The following CDK14 variants were observed in gnomAD, a reference collection of about 807,000 sequenced individuals.
CDK14 encodes cyclin dependent kinase 14.
Under a neutral mutation model 60.7 loss-of-function variants are expected in CDK14, and 34 were observed. That is an observed-to-expected ratio of 0.56 (90% CI 0.43 to 0.75). The LOEUF is 0.75. Among genes scored for constraint, CDK14 ranks in the 30% least tolerant of loss-of-function variants. The probability of loss-of-function intolerance (pLI) is 0.00; values close to 1 mark genes in which losing one functional copy is unlikely to be tolerated. For synonymous variants in CDK14, 197 were observed against 203.7 expected (o/e 0.97, Z 0.28); for missense variants, 482 against 564.1 (o/e 0.85, Z 1.47).
At chr7:90,908,727 A>G (rs566486280) in intron 7 of CDK14, among the ~76,000 whole-genome samples, 4 of 152,212 alleles carry the variant, frequency 2.6e-5, no homozygotes, top group African/African-American at 9.6e-5. Context: ...AGCTCTAGGT[A>G]TTTTCTCGTT....
chr7:91,154,340 T>C (rs1800916581), intron 14 of CDK14, among the ~76,000 whole-genome samples: 1 of 151,900 alleles, frequency 6.6e-6, no homozygotes, highest in Non-Finnish European at 1.5e-5. Context: ...CATTGAACAT[T>C]AAAGTTGTTT....
chr7:90,791,904 T>TTC (rs386410711), intron 5 of CDK14, among the ~76,000 whole-genome samples: 1 of 1,546 alleles, frequency 6.5e-4, no homozygotes, highest in Non-Finnish European at 1.4e-3. Flanking sequence ...AAAGGGCTTC[T>TTC]TTTTTTTTTT....
At chr7:90,907,160 G>C (rs1444903459) in intron 7 of CDK14, among the ~76,000 whole-genome samples, 3 of 152,050 alleles carry the variant, frequency 2.0e-5, no homozygotes, top group African/African-American at 7.2e-5. Flanking sequence ...CAACCAGTTT[G>C]TAGATGGTGA....
intron 4 of CDK14, among the ~76,000 whole-genome samples, chr7:90,750,212 A>C (rs919976050): frequency 6.6e-6 from 1 of 151,922 alleles, no homozygotes; most frequent in African/African-American, 2.4e-5. Context: ...CAATAATATT[A>C]CAGAGAAAGA....
intron 10 of CDK14, among the ~76,000 whole-genome samples, chr7:91,040,168 C>G (rs550475734): frequency 6.6e-6 from 1 of 152,338 alleles, no homozygotes; most frequent in African/African-American, 2.4e-5. Context: ...CCTGCCCTGT[C>G]TGCAGCACAT....
intron 2 of CDK14, among the ~76,000 whole-genome samples, chr7:90,658,705 GAGA>G (rs552028885): frequency 1.6e-4 from 24 of 152,222 alleles, no homozygotes; most frequent in African/African-American, 5.1e-4. Flanking sequence ...TTGGTTGCTG[GAGA>G]TATGGGTTGT....
intron 2 of CDK14, among the ~76,000 whole-genome samples, chr7:90,624,961 A>G (rs963194034): frequency 2.0e-5 from 3 of 152,170 alleles, no homozygotes; most frequent in African/African-American, 7.2e-5. Flanking sequence ...CTCGAACAGG[A>G]GGATGCTAAT....
chr7:91,179,782 G>C (rs1014462160), intron 14 of CDK14, among the ~76,000 whole-genome samples: 1 of 151,370 alleles, frequency 6.6e-6, no homozygotes, highest in African/African-American at 2.4e-5. Flanking sequence ...CAGCCTGGGC[G>C]ACAGAGCGAG....
chr7:90,773,964 T>C (rs947184371), intron 4 of CDK14, among the ~76,000 whole-genome samples: 2 of 148,502 alleles, frequency 1.3e-5, no homozygotes, highest in Non-Finnish European at 3.0e-5. Flanking sequence ...AGTGCAGTTG[T>C]GCGATCCCAG....
chr7:90,828,958 C>G (rs1267290879), intron 5 of CDK14, among the ~76,000 whole-genome samples: 1 of 152,110 alleles, frequency 6.6e-6, no homozygotes, highest in Non-Finnish European at 1.5e-5. Flanking sequence ...GATCGACTCA[C>G]AGATCTGCAT....
At chr7:91,019,240 T>C (rs1424785690) in intron 10 of CDK14, among the ~76,000 whole-genome samples, 1 of 152,194 alleles carries the variant, frequency 6.6e-6, no homozygotes, top group Non-Finnish European at 1.5e-5. Flanking sequence ...CCATCATCCC[T>C]GGTAGACTGG....
chr7:90,747,644 T>C, intron 3 of CDK14, 37 bp from the exon 4 acceptor site: 1 of 1,174,178 alleles, frequency 8.5e-7, no homozygotes, highest in Non-Finnish European at 1.2e-6. Context: ...ATTAATTTGA[T>C]ACAATCTGTT....
chr7:90,831,429 C>G (rs990472891), intron 5 of CDK14, among the ~76,000 whole-genome samples: 1 of 152,130 alleles, frequency 6.6e-6, no homozygotes, highest in African/African-American at 2.4e-5. Flanking sequence ...CAATCACCTC[C>G]CACCAGGACC....
At chr7:90,984,966 T>C (rs1016374778) in intron 10 of CDK14, among the ~76,000 whole-genome samples, 1 of 152,194 alleles carries the variant, frequency 6.6e-6, no homozygotes, top group Non-Finnish European at 1.5e-5. Context: ...CAAGTCAATG[T>C]TATGTGGTCT....
chr7:90,680,573 A>G (rs1801293479), intron 2 of CDK14, among the ~76,000 whole-genome samples: 1 of 152,210 alleles, frequency 6.6e-6, no homozygotes, highest in Non-Finnish European at 1.5e-5. Flanking sequence ...CTGTGTTGGA[A>G]AAATCTATTG....
intron 2 of CDK14, among the ~76,000 whole-genome samples, chr7:90,696,443 T>C (rs546436028): frequency 2.7e-5 from 4 of 149,844 alleles, no homozygotes; most frequent in South Asian, 4.2e-4. Flanking sequence ...CGGGTTCAAG[T>C]GATTCTTGTG....
chr7:90,806,437 T>C (rs959605845), intron 5 of CDK14, among the ~76,000 whole-genome samples: 3 of 152,218 alleles, frequency 2.0e-5, no homozygotes, highest in Non-Finnish European at 4.4e-5. Context: ...CCCACAATTT[T>C]TTTAAATGGG....
chr7:90,671,814 TA>T (rs1203061865), intron 2 of CDK14, among the ~76,000 whole-genome samples: 1 of 152,204 alleles, frequency 6.6e-6, no homozygotes, highest in African/African-American at 2.4e-5. Flanking sequence ...TCAGCATATG[TA>T]AAAACAGAAA....
At chr7:90,988,256 G>T (rs1433400788) in intron 10 of CDK14, among the ~76,000 whole-genome samples, 1 of 152,082 alleles carries the variant, frequency 6.6e-6, no homozygotes, top group East Asian at 1.9e-4. Context: ...TGTATATAAG[G>T]TGAGCTGGGA....
Sources: allele counts gnomAD v4.1 joint callset (sites outside exome capture counted in the v4.1 genomes callset), GRCh38; gene constraint gnomAD v4.1.1; transcripts MANE v1.5; gene names NCBI Gene and HGNC (gene_info 2026-07-23, HGNC 2026-07-21).